Variants in TAF3 observed in about 807,000 individuals in gnomAD.
TAF3 encodes the protein transcription initiation factor TFIID subunit 3.
Under a neutral mutation model 80.6 loss-of-function variants are expected in TAF3, and 7 were observed. That is an observed-to-expected ratio of 0.09 (90% CI 0.05 to 0.16). The LOEUF (loss-of-function observed/expected upper bound fraction) is 0.16. TAF3 is among the 10% of genes least tolerant of loss of function. The pLI is 1.00. For missense variants in TAF3, 921 were observed against 1,140.2 expected (o/e 0.81, Z 2.77); for synonymous variants, 444 against 446.1 (o/e 1.00, Z 0.06).
intron 3 of TAF3, among the ~76,000 whole-genome samples, chr10:7,972,946 G>A (rs139438543): frequency 5.8e-4 from 89 of 152,270 alleles, no homozygotes; most frequent in African/African-American, 1.3e-3. Flanking sequence ...CTCCATGTAA[G>A]CCATCAATAT....
chr10:8,009,360 T>G lies in TAF3; in HGVS notation c.2568+30T>G, dbSNP rs769291378. On this transcript the variant is annotated intron_variant, in intron 5 of 6. Transcript: ENST00000344293. This position sits in a 1 kb window ranked among gnomAD's most constrained non-coding sequence, Gnocchi z 4.1. ...GTACCTGCCGCCCGCGCGGTTAGCA[T>G]GGAGACGTTTTCAGATCGAGACAAG... is the stretch of plus-strand genomic sequence containing the variant. The G allele has an allele frequency of 6.3e-7, 1 of 1,576,904 alleles. No individual in the cohort carries two copies. Among genetic ancestry groups the G allele is most frequent in the Non-Finnish European group, 8.6e-7 (1 of 1,160,396 alleles).
At chr10:7,881,377 C>T (rs1351978872) in intron 2 of TAF3, among the ~76,000 whole-genome samples, 1 of 151,948 alleles carries the variant, frequency 6.6e-6, no homozygotes, top group East Asian at 1.9e-4. Flanking sequence ...TAAGATATGC[C>T]TTTAATGCCG....
chr10:7,877,910 T>C (rs1008248443), intron 2 of TAF3, among the ~76,000 whole-genome samples: 1 of 152,230 alleles, frequency 6.6e-6, no homozygotes, highest in Non-Finnish European at 1.5e-5. Context: ...TTCTATACTG[T>C]AACGGCAATT....
chr10:7,997,021 A>G (rs1255908323), intron 4 of TAF3, among the ~76,000 whole-genome samples: 1 of 152,040 alleles, frequency 6.6e-6, no homozygotes, highest in African/African-American at 2.4e-5. Context: ...AAAATACAAC[A>G]TGGGAATCTG....
At chr10:7,928,027 C>T (rs1177493578) in intron 2 of TAF3, among the ~76,000 whole-genome samples, 1 of 152,066 alleles carries the variant, frequency 6.6e-6, no homozygotes, top group South Asian at 2.1e-4. Flanking sequence ...TTTACGGCCT[C>T]TAACATTTTA....
At chr10:7,925,314 T>TA (rs891221845) in intron 2 of TAF3, among the ~76,000 whole-genome samples, 1 of 152,244 alleles carries the variant, frequency 6.6e-6, no homozygotes, top group African/African-American at 2.4e-5. Context: ...GGCTCTGCCA[T>TA]AATGGCTCAG....
intron 2 of TAF3, among the ~76,000 whole-genome samples, chr10:7,881,917 A>T (rs568117995): frequency 6.6e-6 from 1 of 152,186 alleles, no homozygotes; most frequent in Non-Finnish European, 1.5e-5. Context: ...GAGACTTTAT[A>T]TGTTGGTGGA....
rs11594671 is a variant in TAF3 at position 7,860,808 on chromosome 10, T to C, written c.409+36248T>C. Among the ~76,000 whole-genome samples the C allele has an allele frequency of 1.0e-2, 1,506 of 150,968 alleles. 4 individuals carry two copies. Among genetic ancestry groups the C allele is most frequent in the Non-Finnish European group, 0.014 (972 of 67,530 alleles). On this transcript the variant is annotated intron_variant, in intron 2 of 6. Transcript: ENST00000344293. ...TCTTTCTTTCTTTCTTTCTTTCTTTTTTTTTTTTTGAAATAGAGTCTCGCT... is the reference window on the plus strand; with the variant it reads ...TCTTTCTTTCTTTCTTTCTTTCTTTCTTTTTTTTTGAAATAGAGTCTCGCT...
intron 2 of TAF3, among the ~76,000 whole-genome samples, chr10:7,892,250 A>G (rs1837462852): frequency 6.6e-6 from 1 of 152,204 alleles, no homozygotes; most frequent in Non-Finnish European, 1.5e-5. Flanking sequence ...TATTGAACTA[A>G]CTGAAAAGAT....
chr10:7,969,655 G>C (rs895450618), intron 3 of TAF3, among the ~76,000 whole-genome samples: 3 of 152,124 alleles, frequency 2.0e-5, no homozygotes, highest in Admixed American at 6.5e-5. Flanking sequence ...TTCTTAAATA[G>C]AAAGTAAGCC....
At chr10:7,875,749 A>G (rs1042590080) in intron 2 of TAF3, among the ~76,000 whole-genome samples, 2 of 152,202 alleles carry the variant, frequency 1.3e-5, no homozygotes, top group African/African-American at 4.8e-5. Flanking sequence ...TAATTACTCA[A>G]AAAGGAAAAG....
At chr10:7,988,819 TA>T (rs1342192263) in intron 4 of TAF3, among the ~76,000 whole-genome samples, 1 of 151,708 alleles carries the variant, frequency 6.6e-6, no homozygotes, top group South Asian at 2.1e-4. Flanking sequence ...TTTATTTATT[TA>T]TTTTTTTATA....
intron 4 of TAF3, among the ~76,000 whole-genome samples, chr10:7,979,843 A>G (rs1198609464): frequency 6.6e-6 from 1 of 152,124 alleles, no homozygotes; most frequent in East Asian, 1.9e-4. Flanking sequence ...GGGTGGTTCT[A>G]AATCAGGGGT....
intron 4 of TAF3, among the ~76,000 whole-genome samples, chr10:7,993,163 C>T (rs753724718): frequency 4.6e-5 from 7 of 152,170 alleles, no homozygotes; most frequent in Non-Finnish European, 1.0e-4. Flanking sequence ...TTAATCCACA[C>T]TCCTACGCTC....
intron 5 of TAF3, among the ~76,000 whole-genome samples, chr10:8,013,238 C>T (rs1264454435): frequency 1.3e-5 from 2 of 152,166 alleles, no homozygotes; most frequent in African/African-American, 4.8e-5. Context: ...AGGAGAAGGG[C>T]TTGGCTAATA....
chr10:7,881,024 T>G (rs1588536765), intron 2 of TAF3, among the ~76,000 whole-genome samples: 1 of 152,072 alleles, frequency 6.6e-6, no homozygotes, highest in African/African-American at 2.4e-5. Context: ...TGATTTGAGC[T>G]CAGGAATTGG....
intron 2 of TAF3, among the ~76,000 whole-genome samples, chr10:7,857,519 A>G (rs951128624): frequency 7.9e-5 from 12 of 152,182 alleles, no homozygotes; most frequent in African/African-American, 2.9e-4. Flanking sequence ...GTGGAGGTGG[A>G]CACTGGGTAG....
chr10:7,881,939 G>T (rs1358920930), intron 2 of TAF3, among the ~76,000 whole-genome samples: 1 of 152,162 alleles, frequency 6.6e-6, no homozygotes, highest in African/African-American at 2.4e-5. Flanking sequence ...TTCCACACTG[G>T]CTGTTCTTGT....
At chr10:7,952,908 AT>A (rs1440367793) in intron 2 of TAF3, among the ~76,000 whole-genome samples, 1 of 152,222 alleles carries the variant, frequency 6.6e-6, no homozygotes, top group Non-Finnish European at 1.5e-5. Context: ...ATTTTAAAAT[AT>A]TTTATAAGGA....
Sources: gnomAD v4.1 joint callset for allele counts (sites outside exome capture counted in the v4.1 genomes callset) on GRCh38, gnomAD v4.1.1 for gene constraint, Gnocchi (gnomAD v3.1) non-coding constraint, MANE v1.5 for transcripts, NCBI Gene and HGNC (gene_info 2026-07-23, HGNC 2026-07-21) for gene names.